The following PPP3CA variants were observed in gnomAD, a reference collection of about 807,000 sequenced individuals.
PPP3CA encodes the protein CAM-PRP catalytic subunit.
PPP3CA carries 14 observed loss-of-function variants against 66.5 expected under a neutral mutation model. The ratio of observed to expected loss-of-function variants is 0.21; its 90% CI spans 0.14 to 0.33. PPP3CA has a LOEUF of 0.33. PPP3CA is among the 10% of genes least tolerant of loss of function. The pLI, the probability that PPP3CA is intolerant of heterozygous loss-of-function variation, is 1.00. For missense variants in PPP3CA, 317 were observed against 639.5 expected (o/e 0.50, Z 5.44); for synonymous variants, 232 against 226.2 (o/e 1.03, Z -0.23).
chr4:101,319,156 A>T (rs1265730517), intron 1 of PPP3CA, among the ~76,000 whole-genome samples: 3 of 150,394 alleles, frequency 2.0e-5, no homozygotes, highest in Non-Finnish European at 4.4e-5. Context: ...AAGAATTCTG[A>T]GTTATACCAT....
At chr4:101,267,026 G>A (rs1727189552) in intron 1 of PPP3CA, among the ~76,000 whole-genome samples, 1 of 152,292 alleles carries the variant, frequency 6.6e-6, no homozygotes, top group African/African-American at 2.4e-5. Context: ...CACTGATAGG[G>A]CCATGGTGTG....
At chr4:101,100,732 TA>T (rs537238780) in intron 3 of PPP3CA, among the ~76,000 whole-genome samples, 66 of 152,248 alleles carry the variant, frequency 4.3e-4, no homozygotes, top group African/African-American at 1.4e-3. Flanking sequence ...GCTAAGAAGA[TA>T]TAAAAACTAC....
intron 8 of PPP3CA, among the ~76,000 whole-genome samples, chr4:101,078,853 TA>T (rs1228909376): frequency 6.6e-6 from 1 of 152,188 alleles, no homozygotes; most frequent in African/African-American, 2.4e-5. Flanking sequence ...CCCACATACT[TA>T]AAAGCACGTG....
chr4:101,078,938 T>G (rs912945687), intron 8 of PPP3CA, among the ~76,000 whole-genome samples: 2 of 152,216 alleles, frequency 1.3e-5, no homozygotes, highest in African/African-American at 4.8e-5. Flanking sequence ...ACTTCTTTTC[T>G]AGGAACTGCC....
chr4:101,218,813 T>C (rs1264589264), intron 1 of PPP3CA, among the ~76,000 whole-genome samples: 1 of 152,018 alleles, frequency 6.6e-6, no homozygotes, highest in East Asian at 1.9e-4. Context: ...TGGCAAGTTT[T>C]AAGTGCTGAA....
intron 2 of PPP3CA, among the ~76,000 whole-genome samples, chr4:101,178,499 T>G (rs1394706812): frequency 6.6e-6 from 1 of 152,094 alleles, no homozygotes; most frequent in East Asian, 1.9e-4. Context: ...CTAACAAATA[T>G]AGTCACACTG....
chr4:101,306,071 G>A (rs956664923), intron 1 of PPP3CA, among the ~76,000 whole-genome samples: 2 of 152,050 alleles, frequency 1.3e-5, no homozygotes, highest in African/African-American at 4.8e-5. Flanking sequence ...ATTAGGTGAT[G>A]AGGCAGTCCA....
In PPP3CA at chr4:101,347,025, C is replaced by G; in HGVS notation, c.-229G>C. 1.7e-6 allele frequency: 1 copy of G among 594,866 alleles called. No individual in the cohort carries two copies. 36.8% of individuals were successfully genotyped at this position (594,866 alleles called of 1,614,324 possible). On this transcript the variant is annotated 5_prime_UTR_variant, in exon 1 of 14. Transcript: ENST00000394854. ...CCTCCTCCGCCGCTGCCGCCAGCCC[C>G]GCCGACTCGCTCCGGGCTGCGCGTG...
chr4:101,218,529 C>G (rs1419366104), intron 1 of PPP3CA, among the ~76,000 whole-genome samples: 2 of 151,872 alleles, frequency 1.3e-5, no homozygotes, highest in Non-Finnish European at 2.9e-5. Context: ...TCCCATAGCT[C>G]TCACCATATG....
At position 101,298,507 on chromosome 4, in the gene PPP3CA, C is replaced by T. The variant is rs1052290621; in HGVS notation, c.58+48232G>A. On this transcript the variant is annotated intron_variant, in intron 1 of 13. Coordinates refer to ENST00000394854, the MANE Select transcript of PPP3CA (RefSeq NM_000944.5). ...CTCTGCCACCCTTGAGACAGCAAGA[C>T]GAATCTCTCCTCTTCCTCCTCAGCC... 2.6e-5 allele frequency among the ~76,000 whole-genome samples: 4 copies of T among 152,130 alleles called. No individual in the cohort carries two copies. In the South Asian group the frequency reaches 6.3e-4, roughly 24 times the overall value.
chr4:101,195,835 C>G, intron 2 of PPP3CA, 81 bp downstream of exon 2: 1 of 1,245,576 alleles, frequency 8.0e-7, no homozygotes, highest in South Asian at 1.4e-5. Flanking sequence ...TGAAGACTCA[C>G]TGGTAACTAG....
intron 2 of PPP3CA, among the ~76,000 whole-genome samples, chr4:101,161,967 C>T (rs780582804): frequency 2.0e-4 from 31 of 152,262 alleles, no homozygotes; most frequent in African/African-American, 2.9e-4. Flanking sequence ...AGGCCGGGCG[C>T]GGTGACTCAC....
intron 2 of PPP3CA, among the ~76,000 whole-genome samples, chr4:101,131,261 T>TA (rs1722424261): frequency 6.1e-5 from 9 of 148,556 alleles, no homozygotes; most frequent in African/African-American, 2.2e-4. Context: ...AATAAATAAA[T>TA]AAATAAATAA....
At chr4:101,173,384 AG>A (rs1723948325) in intron 2 of PPP3CA, among the ~76,000 whole-genome samples, 1 of 152,032 alleles carries the variant, frequency 6.6e-6, no homozygotes, top group South Asian at 2.1e-4. Context: ...GGAAAAAAAA[AG>A]ATCCAAACTT....
chr4:101,286,099 A>T (rs1037932036), intron 1 of PPP3CA, among the ~76,000 whole-genome samples: 1 of 152,106 alleles, frequency 6.6e-6, no homozygotes, highest in Non-Finnish European at 1.5e-5. Context: ...GATTCTCCTA[A>T]GAAGCATCCA....
At chr4:101,245,472 A>G (rs1229559260) in intron 1 of PPP3CA, among the ~76,000 whole-genome samples, 1 of 152,088 alleles carries the variant, frequency 6.6e-6, no homozygotes, top group African/African-American at 2.4e-5. Flanking sequence ...CAGGTTTTTC[A>G]TTTGTTTGTT....
chr4:101,136,503 T>C (rs1363955529), intron 2 of PPP3CA, among the ~76,000 whole-genome samples: 1 of 151,644 alleles, frequency 6.6e-6, no homozygotes, highest in Admixed American at 6.6e-5. Context: ...ATCGCGCCAG[T>C]GCACTGGAGC....
chr4:101,108,895 T>G, intron 3 of PPP3CA, 59 bp downstream of exon 3: 2 of 1,536,250 alleles, frequency 1.3e-6, no homozygotes, highest in Admixed American at 3.6e-5. Flanking sequence ...CTGCTTTTAT[T>G]TTTTTGAGAT....
intron 3 of PPP3CA, among the ~76,000 whole-genome samples, chr4:101,103,068 C>A (rs1730519302): frequency 6.6e-6 from 1 of 152,140 alleles, no homozygotes; most frequent in Non-Finnish European, 1.5e-5. Context: ...CTCCTATCTT[C>A]CCCAATGAAG....
Sources: allele counts gnomAD v4.1 joint callset (sites outside exome capture counted in the v4.1 genomes callset), GRCh38; gene constraint gnomAD v4.1.1; transcripts MANE v1.5; gene names NCBI Gene and HGNC (gene_info 2026-07-23, HGNC 2026-07-21).